Variants in PLSCR1 observed in about 807,000 individuals in gnomAD.
PLSCR1 encodes phospholipid scramblase 1, also known as PL scramblase 1.
A neutral mutation model predicts 37.8 loss-of-function variants in PLSCR1; 17 were observed. The ratio of observed to expected loss-of-function variants is 0.45; its 90% CI spans 0.31 to 0.68. PLSCR1 has a LOEUF of 0.68. Among genes scored for constraint, PLSCR1 ranks in the 30% least tolerant of loss-of-function variants. The pLI, the probability that PLSCR1 is intolerant of heterozygous loss-of-function variation, is 0.06. For missense variants in PLSCR1, 347 were observed against 380.9 expected (o/e 0.91, Z 0.74); for synonymous variants, 116 against 125.9 (o/e 0.92, Z 0.53).
At chr3:146,523,051 C>T (rs914112036) in intron 5 of PLSCR1, among the ~76,000 whole-genome samples, 7 of 152,202 alleles carry the variant, frequency 4.6e-5, no homozygotes, top group African/African-American at 1.7e-4. Context: ...CGATAATGAT[C>T]AATAAATACT....
intron 2 of PLSCR1, among the ~76,000 whole-genome samples, chr3:146,533,975 T>C (rs2044233355): frequency 6.6e-6 from 1 of 152,206 alleles, no homozygotes; most frequent in Admixed American, 6.5e-5. Context: ...GTAAGTATTA[T>C]TTTAAATATT....
At chr3:146,524,566 GATAA>G (rs142804487) in intron 5 of PLSCR1, among the ~76,000 whole-genome samples, 4,110 of 151,760 alleles carry the variant, frequency 0.027, 79 homozygotes, top group Middle Eastern at 0.095. Context: ...TACAAAAAAA[GATAA>G]ATAGTGTGCT....
At chr3:146,529,705 G>T (rs2044170264) in intron 3 of PLSCR1, among the ~76,000 whole-genome samples, 1 of 152,032 alleles carries the variant, frequency 6.6e-6, no homozygotes, top group Non-Finnish European at 1.5e-5. Context: ...AGTAGAGACG[G>T]GGTTTCAGTG....
At chr3:146,539,620 G>GC (rs939002649) in intron 1 of PLSCR1, among the ~76,000 whole-genome samples, 1 of 152,200 alleles carries the variant, frequency 6.6e-6, no homozygotes, top group Non-Finnish European at 1.5e-5. Flanking sequence ...AGGAAAAGAA[G>GC]CAGATTCTAA....
intron 4 of PLSCR1, among the ~76,000 whole-genome samples, chr3:146,526,073 C>G (rs796459039): frequency 2.8e-4 from 43 of 150,962 alleles, no homozygotes; most frequent in African/African-American, 1.0e-3. Flanking sequence ...GTCCCAGCTA[C>G]TTGGGAGGCT....
chr3:146,523,563 T>C (rs1257073972), intron 5 of PLSCR1, among the ~76,000 whole-genome samples: 2 of 151,974 alleles, frequency 1.3e-5, no homozygotes, highest in Non-Finnish European at 2.9e-5. Context: ...GAAAGATGAA[T>C]TAGAATGTCA....
intron 7 of PLSCR1, among the ~76,000 whole-genome samples, chr3:146,521,235 C>T (rs951780770): frequency 3.9e-5 from 6 of 152,142 alleles, no homozygotes; most frequent in Non-Finnish European, 7.3e-5. Flanking sequence ...GCAAGGTTAA[C>T]GTTCTGTTTA....
chr3:146,525,793 A>G (rs1013053442), intron 4 of PLSCR1, 146 bp from the exon 5 acceptor site: 6 of 467,134 alleles, frequency 1.3e-5, no homozygotes, highest in Non-Finnish European at 2.3e-5. Context: ...TTTTAGTGTA[A>G]AACTGAAGTT....
At chr3:146,532,229 G>C (rs1156948232) in intron 3 of PLSCR1, among the ~76,000 whole-genome samples, 2 of 152,092 alleles carry the variant, frequency 1.3e-5, no homozygotes, top group African/African-American at 2.4e-5. Flanking sequence ...ATTAGTGATA[G>C]GGTGGATTAA....
chr3:146,521,507 G>A, intron 7 of PLSCR1, 37 bp downstream of exon 7: 1 of 1,571,206 alleles, frequency 6.4e-7, no homozygotes. Context: ...TCTTATATTA[G>A]GAAAGCAAAT....
At chr3:146,537,457 G>A (rs1451643668) in intron 1 of PLSCR1, among the ~76,000 whole-genome samples, 1 of 152,084 alleles carries the variant, frequency 6.6e-6, no homozygotes, top group Non-Finnish European at 1.5e-5. Context: ...CTCCAGTGCT[G>A]GCTACCCTTT....
At chr3:146,527,721 G>T (rs1209867047) in intron 4 of PLSCR1, among the ~76,000 whole-genome samples, 2 of 152,092 alleles carry the variant, frequency 1.3e-5, no homozygotes, top group African/African-American at 4.8e-5. Flanking sequence ...CTATGATTAT[G>T]CCACTTAAGC....
intron 7 of PLSCR1, among the ~76,000 whole-genome samples, chr3:146,518,635 G>A (rs532505745): frequency 4.6e-5 from 7 of 152,174 alleles, no homozygotes; most frequent in South Asian, 2.1e-4. Flanking sequence ...ACTAGCCACC[G>A]TAAACTCAAC....
intron 1 of PLSCR1, among the ~76,000 whole-genome samples, chr3:146,543,403 A>C (rs2044362722): frequency 6.6e-6 from 1 of 152,136 alleles, no homozygotes; most frequent in Non-Finnish European, 1.5e-5. Flanking sequence ...GCATTTTCTC[A>C]TTGTTCAAAG....
chr3:146,528,263 A>T (rs2587026), intron 4 of PLSCR1: 39,956 of 256,128 alleles, frequency 0.16, 3,411 homozygotes, highest in Admixed American at 0.22. Context: ...TCTGGACCTC[A>T]GTTTCTTCTT....
chr3:146,523,973 A>G (rs529176970), intron 5 of PLSCR1, among the ~76,000 whole-genome samples: 1 of 152,230 alleles, frequency 6.6e-6, no homozygotes, highest in Non-Finnish European at 1.5e-5. Context: ...GCCTATGTGG[A>G]AAGACTCTGA....
chr3:146,542,261 C>G (rs2044346778), intron 1 of PLSCR1, among the ~76,000 whole-genome samples: 1 of 152,056 alleles, frequency 6.6e-6, no homozygotes, highest in African/African-American at 2.4e-5. Flanking sequence ...CTGTGAGGTT[C>G]CCTCTGTCTA....
At chr3:146,527,164 G>T (rs539988481) in intron 4 of PLSCR1, among the ~76,000 whole-genome samples, 13 of 152,212 alleles carry the variant, frequency 8.5e-5, no homozygotes, top group Non-Finnish European at 1.6e-4. Context: ...TAGAATAGTG[G>T]TTACTAGAAA....
intron 3 of PLSCR1, among the ~76,000 whole-genome samples, chr3:146,531,139 G>T (rs943680524): frequency 1.3e-5 from 2 of 152,194 alleles, no homozygotes; most frequent in Non-Finnish European, 2.9e-5. Flanking sequence ...GCCTTGAGGG[G>T]TCACCTTTAT....
Sources: allele counts gnomAD v4.1 joint callset (sites outside exome capture counted in the v4.1 genomes callset), GRCh38; gene constraint gnomAD v4.1.1; transcripts MANE v1.5; gene names NCBI Gene and HGNC (gene_info 2026-07-23, HGNC 2026-07-21).